The following PCDHGA9 variants were observed in gnomAD, a reference collection of about 807,000 sequenced individuals.
PCDHGA9 encodes protocadherin gamma subfamily A, 9, also known as protocadherin gamma-A9.
In PCDHGA9, 37 loss-of-function variants were observed where a neutral mutation model predicts 62.5. The ratio of observed to expected loss-of-function variants is 0.59; its 90% confidence interval spans 0.46 to 0.78. PCDHGA9 has a LOEUF of 0.78. Ranked by LOEUF, PCDHGA9 falls within the 30% of genes least tolerant of loss-of-function variation. The pLI is 0.00. For synonymous variants in PCDHGA9, 459 were observed against 484.6 expected (o/e 0.95, Z 0.69); for missense variants, 1,138 against 1,166.2 (o/e 0.98, Z 0.35).
At chr5:141,419,694 G>A in intron 1 of PCDHGA9, 1 of 1,612,974 alleles carries the variant, frequency 6.2e-7, no homozygotes, top group Non-Finnish European at 8.5e-7. Context: ...GTGCAGGCCA[G>A]TGAGCCCGGG....
At chr5:141,502,480 AC>A (rs145333712) in intron 2 of PCDHGA9, among the ~76,000 whole-genome samples, 7,822 of 152,242 alleles carry the variant, frequency 0.051, 439 homozygotes, top group African/African-American at 0.14. Flanking sequence ...GCAGCATCAC[AC>A]TGGGACTCAT....
intron 2 of PCDHGA9, among the ~76,000 whole-genome samples, chr5:141,496,406 G>C (rs1485949584): frequency 6.6e-6 from 1 of 152,160 alleles, no homozygotes; most frequent in African/African-American, 2.4e-5. Flanking sequence ...CTCAATGGTT[G>C]AGTACTTGCT....
chr5:141,506,834 C>T (rs2099856597), intron 3 of PCDHGA9, among the ~76,000 whole-genome samples: 1 of 152,140 alleles, frequency 6.6e-6, no homozygotes, highest in Non-Finnish European at 1.5e-5. Flanking sequence ...ACTGATAGCC[C>T]TGCCCTCCAG....
Position 141,431,075 on chromosome 5 carries a change from C to G in PCDHGA9, c.2424+25699C>G. ...GGGGGCCATCAAGTGTCAATTAAAT[C>G]TAGACATTCTGATGGAGGATAAAGT... is the stretch of plus-strand genomic sequence containing the variant. On this transcript the variant is annotated intron_variant, in intron 1 of 3. Coordinates refer to ENST00000573521, the MANE Select transcript of PCDHGA9 (RefSeq NM_018921.3). The surrounding 1 kb of genome is among the most constrained non-coding windows in gnomAD (Gnocchi z 4.8). 1 of 1,614,156 alleles carries G rather than the reference C, an allele frequency of 6.2e-7. No homozygotes were observed. Among genetic ancestry groups the G allele is most frequent in the Non-Finnish European group, 8.5e-7 (1 of 1,179,984 alleles).
intron 1 of PCDHGA9, among the ~76,000 whole-genome samples, chr5:141,444,150 GGAT>G (rs2098419400): frequency 8.8e-6 from 1 of 114,014 alleles, no homozygotes; most frequent in African/African-American, 3.4e-5. Context: ...TGTGTGTACT[GGAT>G]TTTTTTTTTT....
intron 2 of PCDHGA9, among the ~76,000 whole-genome samples, chr5:141,504,355 C>T (rs974022699): frequency 6.6e-6 from 1 of 152,078 alleles, no homozygotes; most frequent in Non-Finnish European, 1.5e-5. Flanking sequence ...GTGCTAGGTG[C>T]TTCAGTAGGA....
At chr5:141,452,839 C>A (rs939513310) in intron 1 of PCDHGA9, among the ~76,000 whole-genome samples, 2 of 152,092 alleles carry the variant, frequency 1.3e-5, no homozygotes, top group Non-Finnish European at 2.9e-5. Flanking sequence ...TTGGTCCAGC[C>A]CACACTCTGG....
chr5:141,478,849 C>A, intron 1 of PCDHGA9: 1 of 1,375,282 alleles, frequency 7.3e-7, no homozygotes, highest in Non-Finnish European at 9.6e-7. Flanking sequence ...TAAGCTAAAA[C>A]ACAAGATCTC....
Position 141,477,741 on chromosome 5 carries a change from G to A in PCDHGA9, c.2425-17066G>A, listed in dbSNP as rs1438249932. On this transcript the variant is annotated intron_variant, in intron 1 of 3. Transcript: ENST00000573521. The surrounding 1 kb of genome is among the most constrained non-coding windows in gnomAD (Gnocchi z 4.9). ...GAATTAACAGCTCATATCAGCGATG[G>A]GGGCACCCCGGTCCTAGCCACCAAC... is the stretch of plus-strand genomic sequence containing the variant. 4 of 1,613,802 alleles carry A rather than the reference G, an allele frequency of 2.5e-6. No individual in the cohort carries two copies. The highest frequency in any genetic ancestry group is 1.7e-5 in the Admixed American group (1 of 60,026).
intron 1 of PCDHGA9, among the ~76,000 whole-genome samples, chr5:141,456,790 C>T (rs1364747385): frequency 6.6e-6 from 1 of 151,976 alleles, no homozygotes; most frequent in Admixed American, 6.6e-5. Flanking sequence ...TGGCAAAACC[C>T]CATCTCTACT....
Position 141,489,732 on chromosome 5 carries a change from C to T in PCDHGA9, c.2425-5075C>T, listed in dbSNP as rs1562132763. On this transcript the variant is annotated intron_variant, in intron 1 of 3. Coordinates refer to ENST00000573521, the MANE Select transcript of PCDHGA9 (RefSeq NM_018921.3). This position sits in a 1 kb window ranked among gnomAD's most constrained non-coding sequence, Gnocchi z 4.5. ...GTGCCCAGGATCCGGATGTGGGCAC[C>T]AATACTGTGAGCTTTTACACTCTAA... 3.1e-6 allele frequency: 5 copies of T among 1,614,126 alleles called. No individual in the cohort carries two copies. The highest frequency in any genetic ancestry group is 1.1e-5 in the South Asian group (1 of 91,074).
chr5:141,481,207 C>T (rs1287298617), intron 1 of PCDHGA9, among the ~76,000 whole-genome samples: 3 of 152,154 alleles, frequency 2.0e-5, no homozygotes, highest in Non-Finnish European at 1.5e-5. Flanking sequence ...TTTTAAAAAA[C>T]ATGGTAAGGT....
chr5:141,441,836 C>T (rs1026890754), intron 1 of PCDHGA9: 2 of 354,006 alleles, frequency 5.6e-6, no homozygotes, highest in Non-Finnish European at 1.1e-5. Flanking sequence ...AATGGCTTCG[C>T]GCTCTTGGAT....
chr5:141,462,883 A>T (rs557432183), intron 1 of PCDHGA9, among the ~76,000 whole-genome samples: 9 of 152,230 alleles, frequency 5.9e-5, no homozygotes, highest in African/African-American at 2.2e-4. Context: ...GAACTATTGC[A>T]GTTTGTTTTG....
At chr5:141,417,673 C>G in intron 1 of PCDHGA9, 3 of 970,368 alleles carry the variant, frequency 3.1e-6, no homozygotes, top group Non-Finnish European at 2.9e-6. Context: ...CCTGCGCAGC[C>G]AACAACAGAA....
chr5:141,490,981 C>T lies in PCDHGA9; in HGVS notation c.2425-3826C>T. 19 of 1,614,096 alleles carry T rather than the reference C, an allele frequency of 1.2e-5. No homozygotes were observed. The highest frequency in any genetic ancestry group is 1.5e-5 in the Non-Finnish European group (18 of 1,180,018). Reference sequence around the variant, plus strand: ...ACACTCAGCCCCCCAGCGTCTCCCTCGCTCTGCTCCTCCTGGCTCCTTGGT... The same window carrying T: ...ACACTCAGCCCCCCAGCGTCTCCCTTGCTCTGCTCCTCCTGGCTCCTTGGT... On this transcript the variant is annotated intron_variant, in intron 1 of 3. Transcript: ENST00000573521. The surrounding 1 kb of genome is among the most constrained non-coding windows in gnomAD (Gnocchi z 5.4).
At position 141,486,821 on chromosome 5, in the gene PCDHGA9, A is replaced by T. The variant is rs756652952; in HGVS notation, c.2425-7986A>T. On this transcript the variant is annotated intron_variant, in intron 1 of 3. Transcript: ENST00000573521. The surrounding 1 kb of genome is among the most constrained non-coding windows in gnomAD (Gnocchi z 5.0). ...CAACCCACCCCTTAGCAGCACTGTA[A>T]CAGTTCGTCTATTTGTGCTGGACCT... 36 of 1,614,116 alleles carry T rather than the reference A, an allele frequency of 2.2e-5. No individual in the cohort carries two copies. In the South Asian group the frequency reaches 3.4e-4, roughly 15 times the overall value.
Position 141,485,768 on chromosome 5 carries a change from C to A in PCDHGA9, c.2425-9039C>A, listed in dbSNP as rs759191157. 3.7e-6 allele frequency: 6 copies of A among 1,614,192 alleles called. No individual in the cohort carries two copies. Among genetic ancestry groups the A allele is most frequent in the Middle Eastern group, 1.6e-4 (1 of 6,062 alleles). On this transcript the variant is annotated intron_variant, in intron 1 of 3. Coordinates refer to ENST00000573521, the MANE Select transcript of PCDHGA9 (RefSeq NM_018921.3). The surrounding 1 kb of genome is among the most constrained non-coding windows in gnomAD (Gnocchi z 5.7). ...GGTCCCAGAGCTGCTCCTGGAGAAG[C>A]CTTTGGATCGAGAGAAGCAATCGGA...
chr5:141,460,686 C>A (rs2098995566), intron 1 of PCDHGA9, among the ~76,000 whole-genome samples: 1 of 151,698 alleles, frequency 6.6e-6, no homozygotes, highest in Admixed American at 6.6e-5. Context: ...TCTATATATC[C>A]ACCAACAGTT....
Sources: allele counts gnomAD v4.1 joint callset (sites outside exome capture counted in the v4.1 genomes callset), GRCh38; gene constraint gnomAD v4.1.1; non-coding constraint Gnocchi (gnomAD v3.1); transcripts MANE v1.5; gene names NCBI Gene and HGNC (gene_info 2026-07-23, HGNC 2026-07-21).